TCF7: variants seen among roughly 807,000 people sequenced by gnomAD.
TCF7 encodes the protein T-cell-factor-7.
TCF7 carries 19 observed loss-of-function variants against 46.8 expected under a neutral mutation model. That is an observed-to-expected ratio of 0.41 (90% CI 0.28 to 0.60). The LOEUF is 0.60. Ranked by LOEUF, TCF7 falls within the 20% of genes least tolerant of loss-of-function variation. TCF7 has a pLI of 0.35. For synonymous variants in TCF7, 245 were observed against 213.4 expected, an observed-to-expected ratio of 1.15 and a Z score of -1.29; for missense variants, 547 against 504.6, an observed-to-expected ratio of 1.08 and a Z score of -0.81.
intron 2 of TCF7, 98 bp from the exon 3 acceptor site, chr5:134,115,811 G>T: frequency 1.3e-6 from 2 of 1,571,824 alleles, no homozygotes; most frequent in Non-Finnish European, 8.6e-7. Flanking sequence ...GAACTTGCAG[G>T]GGACCCCTTG....
upstream of TCF7, among the ~76,000 whole-genome samples, chr5:134,110,674 A>G (rs1755316246): frequency 6.6e-6 from 1 of 152,226 alleles, no homozygotes; most frequent in African/African-American, 2.4e-5. Flanking sequence ...AAGCCCCAAC[A>G]GGATGCCAGG....
intron 3 of TCF7, among the ~76,000 whole-genome samples, chr5:134,134,171 C>G (rs1273270235): frequency 6.6e-6 from 1 of 152,264 alleles, no homozygotes; most frequent in African/African-American, 2.4e-5. Context: ...GCTCTCACTA[C>G]CTTGGGGCAG....
At chr5:134,123,442 A>G (rs184947) in intron 3 of TCF7, among the ~76,000 whole-genome samples, 151,281 of 152,318 alleles carry the variant, frequency 0.99, 75,128 homozygotes, top group East Asian at 1. Context: ...CGGCTCTGAG[A>G]TTCTGCTGGA....
At position 134,145,974 on chromosome 5, in the gene TCF7, G is replaced by A. The variant is rs567246226; in HGVS notation, c.1076-250G>A. The stretch of plus-strand genomic sequence containing the variant: ...GGAGAGATGACTCCCTTGGAAGACA[G>A]ATGACAGCCCATAGGCCTAGTGACA... On this transcript the variant is annotated intron_variant, in intron 9 of 9. Coordinates refer to ENST00000342854, the MANE Select transcript of TCF7 (RefSeq NM_003202.5). 1.6e-4 allele frequency: 229 copies of A among 1,474,280 alleles called. 1 individual carries two copies. In the African/African-American group the frequency reaches 3.0e-3, roughly 19 times the overall value. 91.3% of individuals were successfully genotyped at this position (1,474,280 alleles called of 1,614,324 possible). A position where few individuals can be genotyped will look rare whatever the true frequency, so the allele number is the denominator to read the frequency against.
chr5:134,115,147 G>T lies in TCF7; in HGVS notation c.241G>T (p.Glu81Ter), dbSNP rs1755620850. ...VPGAGAGARG[E>*]AEALGREHAA... ...GGGGGCCGGCGCCGGGGCCCGCGGC[G>T]AGGCCGAGGTGAGCCCCCGCCGGCG... is the stretch of plus-strand genomic sequence containing the variant. The change falls in exon 1 of 10, where the codon GAG becomes TAG. Residue 81 changes from glutamate to a stop codon, truncating the protein, a stop_gained. Transcript: ENST00000342854. LOFTEE classifies it high-confidence loss of function. 2.0e-6 allele frequency: 2 copies of T among 1,016,548 alleles called. No individual in the cohort carries two copies. The highest frequency in any genetic ancestry group is 1.2e-6 in the Non-Finnish European group (1 of 851,696). The allele number at this position is 1,016,548 out of a possible 1,614,324, so 63.0% of individuals were successfully genotyped here. A position where few individuals can be genotyped will look rare whatever the true frequency, so the allele number is the denominator to read the frequency against.
intron 3 of TCF7, 75 bp from the exon 4 acceptor site, chr5:134,137,984 C>T: frequency 1.6e-6 from 2 of 1,240,012 alleles, no homozygotes; most frequent in Non-Finnish European, 2.2e-6. Context: ...AGCTGGGCTT[C>T]CTGTATACCC....
In TCF7 at chr5:134,115,354, T is replaced by C. The variant is rs2149263154; in HGVS notation, c.283T>C (p.Phe95Leu). ...LGREHAAQRL[F>L]PDKLPEPLED... is the part of the protein sequence containing the mutation. The stretch of plus-strand genomic sequence containing the variant: ...GCGGGAACACGCTGCGCAGAGACTC[T>C]TCCCGGACAAACTTCCAGAGCCCCT... Residue 95 changes from phenylalanine to leucine, a missense_variant, in exon 2 of 10, where the codon TTC (phenylalanine) becomes CTC (leucine). This residue lies in a region of TCF7 where 425 missense variants were observed against 349.9 expected (regional missense o/e 1.21). Coordinates refer to ENST00000342854, the MANE Select transcript of TCF7 (RefSeq NM_003202.5). The C allele has an allele frequency of 6.2e-7, 1 of 1,601,588 alleles. No homozygotes were observed. The highest frequency in any genetic ancestry group is 8.5e-7 in the Non-Finnish European group (1 of 1,174,788).
intron 5 of TCF7, 63 bp from the exon 6 acceptor site, chr5:134,142,118 CTCTG>C (rs1759888730): frequency 6.2e-7 from 1 of 1,606,646 alleles, no homozygotes; most frequent in Non-Finnish European, 8.5e-7. Flanking sequence ...ATGCAGGGGC[CTCTG>C]TGTGTGTCCA....
intron 3 of TCF7, among the ~76,000 whole-genome samples, chr5:134,133,671 G>A (rs113704413): frequency 6.6e-6 from 1 of 152,130 alleles, no homozygotes; most frequent in Non-Finnish European, 1.5e-5. Context: ...GGGAGGGACT[G>A]GCCAGGCCCT....
intron 3 of TCF7, among the ~76,000 whole-genome samples, chr5:134,122,796 T>G (rs551223403): frequency 6.6e-6 from 1 of 152,220 alleles, no homozygotes; most frequent in African/African-American, 2.4e-5. Context: ...AAACAGGTGT[T>G]TTATCAGGTC....
intron 3 of TCF7, among the ~76,000 whole-genome samples, chr5:134,122,933 A>C (rs1296084366): frequency 6.6e-6 from 1 of 151,944 alleles, no homozygotes; most frequent in Admixed American, 6.6e-5. Context: ...GAAGGCGTTG[A>C]GTCTGCACGA....
At chr5:134,140,648 G>A in intron 5 of TCF7, 1 of 370,282 alleles carries the variant, frequency 2.7e-6, no homozygotes, top group Non-Finnish European at 5.4e-6. Flanking sequence ...AACCGCACAA[G>A]CTGCCCTCTG....
intron 3 of TCF7, among the ~76,000 whole-genome samples, chr5:134,136,017 G>A (rs993244088): frequency 4.6e-5 from 7 of 152,182 alleles, no homozygotes; most frequent in Non-Finnish European, 8.8e-5. Flanking sequence ...CTGGGACTTT[G>A]ACAAGAGTCA....
rs913254282 is a variant in TCF7, at chr5:134,146,903, C to G, written c.*600C>G. 1 of 265,298 alleles carries G rather than the reference C, an allele frequency of 3.8e-6. No individual in the cohort carries two copies. Among genetic ancestry groups the G allele is most frequent in the South Asian group, 4.8e-5 (1 of 20,968 alleles). 16.4% of individuals were successfully genotyped at this position (265,298 alleles called of 1,614,324 possible). A position where few individuals can be genotyped will look rare whatever the true frequency, so the allele number is the denominator to read the frequency against. ...ATCTCCCCCATCCCCCACTGCCACACCCTCCCCATTCAGACACTTCATGGA... is the reference window on the plus strand; with the variant it reads ...ATCTCCCCCATCCCCCACTGCCACAGCCTCCCCATTCAGACACTTCATGGA... On this transcript the variant is annotated 3_prime_UTR_variant, in exon 10 of 10. Transcript: ENST00000342854.
intron 4 of TCF7, 139 bp downstream of exon 4, chr5:134,138,303 C>A: frequency 5.7e-6 from 4 of 701,796 alleles, no homozygotes; most frequent in South Asian, 2.0e-5. Flanking sequence ...AAAGAAAATA[C>A]CAGAAAGATG....
At chr5:134,139,283 G>C in intron 5 of TCF7, 1 of 556,194 alleles carries the variant, frequency 1.8e-6, no homozygotes, top group Non-Finnish European at 3.2e-6. Flanking sequence ...GCTGGTCCCT[G>C]GTCCCAGCCC....
chr5:134,141,627 C>T (rs1418737016), intron 5 of TCF7: 1 of 152,550 alleles, frequency 6.6e-6, no homozygotes, highest in Non-Finnish European at 1.5e-5. Context: ...ACAGCCATAA[C>T]TGGGGCTGCC....
chr5:134,112,492 C>G (rs547817558), upstream of TCF7, among the ~76,000 whole-genome samples: 26 of 152,352 alleles, frequency 1.7e-4, 1 homozygote, highest in Admixed American at 6.5e-5. Flanking sequence ...CCCACTCTCC[C>G]TACTCACCCA....
chr5:134,134,206 G>C (rs368327499), intron 3 of TCF7, among the ~76,000 whole-genome samples: 1 of 152,264 alleles, frequency 6.6e-6, no homozygotes, highest in Non-Finnish European at 1.5e-5. Flanking sequence ...GCAGAGCAGA[G>C]ACTCTGGGAC....
Sources: gnomAD v4.1 joint callset for allele counts (sites outside exome capture counted in the v4.1 genomes callset) on GRCh38, gnomAD v4.1.1 for gene constraint, gnomAD v4.1.1 regional missense constraint, MANE v1.5 for transcripts, NCBI Gene and HGNC (gene_info 2026-07-23, HGNC 2026-07-21) for gene names.